The following YBEY variants were observed in gnomAD, a reference collection of about 807,000 sequenced individuals.
The protein encoded by YBEY is ybeY metalloendoribonuclease, also known as endoribonuclease YbeY.
YBEY carries 15 observed loss-of-function variants against 13.5 expected under a neutral mutation model. The observed-to-expected ratio is 1.11, with a 90% confidence interval of 0.75 to 1.72. The LOEUF (loss-of-function observed/expected upper bound fraction) is 1.72. Among genes scored for constraint, YBEY ranks in the 40% most tolerant of loss-of-function variants. YBEY has a pLI of 0.00. For synonymous variants in YBEY, 101 were observed against 83.1 expected (o/e 1.21, Z -1.17); for missense variants, 244 against 208.4 (o/e 1.17, Z -1.05).
At chr21:46,286,790 C>A in intron 1 of YBEY, 80 bp from the exon 2 acceptor site, 1 of 799,660 alleles carries the variant, frequency 1.3e-6, no homozygotes, top group Non-Finnish European at 2.0e-6. Context: ...ATAAAGTGAT[C>A]TGATTGCGCG....
intron 3 of YBEY, among the ~76,000 whole-genome samples, chr21:46,292,989 G>A (rs1190172304): frequency 6.8e-5 from 2 of 29,356 alleles, no homozygotes; most frequent in African/African-American, 3.1e-4. Flanking sequence ...GGACTCAGTG[G>A]GGACAGCCAC....
the YBEY span, among the ~76,000 whole-genome samples, chr21:46,303,730 TA>T: frequency 1.0e-3 from 29 of 28,734 alleles, no homozygotes; most frequent in Non-Finnish European, 1.6e-3. Flanking sequence ...TATATATATA[TA>T]TATATATATA....
At chr21:46,291,863 T>C in intron 3 of YBEY, 1 of 1,042,436 alleles carries the variant, frequency 9.6e-7, no homozygotes, top group East Asian at 9.8e-5. Flanking sequence ...TCCTGCCCAC[T>C]GCACAGACAA....
Position 46,287,082 on chromosome 21 carries a change from A to G in YBEY, c.169A>G (p.Arg57Gly), listed in dbSNP as rs1484081139. Reference sequence around the variant, plus strand: ...GCACATTAATAGAATCTACAGAGATAGAAATGTCCCAACCGATGTGCTTTC... The same window carrying G: ...GCACATTAATAGAATCTACAGAGATGGAAATGTCCCAACCGATGTGCTTTC... The part of the protein sequence containing the change: ...IQHINRIYRD[R>G]NVPTDVLSFP... Residue 57 changes from arginine (R) to glycine (G), a missense_variant, in exon 2 of 5, where the codon AGA (arginine) becomes GGA (glycine). Arg to Gly is a moderately radical substitution (Grantham distance 125, BLOSUM62 -2). Coordinates refer to ENST00000397701, the MANE Select transcript of YBEY (RefSeq NM_001314025.2). 3.7e-6 allele frequency: 6 copies of G among 1,613,566 alleles called. No individual in the cohort carries two copies. The highest frequency in any genetic ancestry group is 5.1e-6 in the Non-Finnish European group (6 of 1,179,876).
the YBEY span, chr21:46,311,690 TCCAA>T: frequency 3.2e-4 from 154 of 475,400 alleles, no homozygotes; most frequent in South Asian, 1.7e-3. Context: ...CACCCATCCA[TCCAA>T]CCAACCAACC....
At chr21:46,294,469 G>A (rs1201783111) in intron 3 of YBEY, among the ~76,000 whole-genome samples, 1 of 70,172 alleles carries the variant, frequency 1.4e-5, no homozygotes, top group Non-Finnish European at 2.9e-5. Flanking sequence ...GGACTCAGTG[G>A]GGACAGCCAC....
At position 46,291,417 on chromosome 21, in the gene YBEY, C is replaced by G. The variant is rs1419186566; in HGVS notation, c.294C>G (p.Ile98Met). The change falls in exon 3 of 5, where the codon ATC becomes ATG. Residue 98 changes from isoleucine to methionine, a missense_variant. Transcript: ENST00000397701. ...LGDIFLGVEY[I>M]FHQCKENEDY... Reference sequence around the variant, plus strand: ...ACATTTTCCTAGGAGTGGAGTATATCTTCCATCAGTGTAAAGAAAATGAAG... The same window carrying G: ...ACATTTTCCTAGGAGTGGAGTATATGTTCCATCAGTGTAAAGAAAATGAAG... 19 of 1,613,998 alleles carry G rather than the reference C, an allele frequency of 1.2e-5. No individual in the cohort carries two copies. The highest frequency in any genetic ancestry group is 1.7e-5 in the Admixed American group (1 of 59,996).
downstream of YBEY, chr21:46,302,462 G>T (rs1601623910): frequency 6.4e-7 from 1 of 1,567,588 alleles, no homozygotes; most frequent in South Asian, 1.1e-5. Flanking sequence ...TTGGCCTAGG[G>T]TTCTGCTGGG....
intron 3 of YBEY, 123 bp downstream of exon 3, chr21:46,291,585 A>C: frequency 6.6e-7 from 1 of 1,504,188 alleles, no homozygotes. Flanking sequence ...TGGGGGAAGA[A>C]CCTGTAAGCA....
At chr21:46,297,293 T>TCC (rs1442151855) in intron 4 of YBEY, among the ~76,000 whole-genome samples, 4 of 86,082 alleles carry the variant, frequency 4.6e-5, no homozygotes, top group Non-Finnish European at 7.2e-5. Context: ...ATGCCCCCCT[T>TCC]TCTTCCTCCC....
downstream of YBEY, among the ~76,000 whole-genome samples, chr21:46,299,051 T>C (rs865786393): frequency 6.7e-6 from 1 of 148,520 alleles, no homozygotes; most frequent in Non-Finnish European, 1.5e-5. Flanking sequence ...TTCTTTCTTT[T>C]TTTTTTTTTT....
downstream of YBEY, chr21:46,301,113 A>G (rs1409067497): frequency 1.1e-5 from 11 of 1,004,174 alleles, no homozygotes; most frequent in Non-Finnish European, 1.3e-5. Flanking sequence ...CTCAAAAGGG[A>G]TCACGTCATA....
intron 3 of YBEY, among the ~76,000 whole-genome samples, chr21:46,295,273 C>T (rs1164242800): frequency 6.6e-6 from 1 of 152,052 alleles, no homozygotes; most frequent in Non-Finnish European, 1.5e-5. Context: ...CAGGCCAGCT[C>T]TGCTCAGGGC....
At chr21:46,291,796 G>C in intron 3 of YBEY, 1 of 1,085,934 alleles carries the variant, frequency 9.2e-7, no homozygotes, top group Non-Finnish European at 1.1e-6. Context: ...ACAGAAGTTG[G>C]AGCCTCCACC....
At chr21:46,301,695 C>T (rs2082112930), downstream of YBEY, 1 of 1,161,552 alleles carries the variant, frequency 8.6e-7, no homozygotes, top group Non-Finnish European at 1.1e-6. Context: ...CTGAGGCTCC[C>T]AGGTGGGCCG....
intron 2 of YBEY, among the ~76,000 whole-genome samples, chr21:46,287,546 C>T (rs1416596227): frequency 2.0e-5 from 3 of 152,010 alleles, no homozygotes; most frequent in Non-Finnish European, 4.4e-5. Flanking sequence ...TCCATGGTGC[C>T]TATAAGTATA....
chr21:46,287,021 C>T lies in YBEY; in HGVS notation c.108C>T (p.Asp36=). 1 of 1,613,928 alleles carries T rather than the reference C, an allele frequency of 6.2e-7. No individual in the cohort carries two copies. The highest frequency in any genetic ancestry group is 8.5e-7 in the Non-Finnish European group (1 of 1,180,006). The part of the protein sequence containing the change: ...VRRILGVQKF[D]LGIICVDNKN... ...GGATTTTAGGAGTGCAGAAATTTGA[C>T]CTGGGGATCATCTGTGTTGACAACA... The change falls in exon 2 of 5, where the codon GAC becomes GAT. Residue 36 remains aspartate (D), a synonymous_variant. Coordinates refer to ENST00000397701, the MANE Select transcript of YBEY (RefSeq NM_001314025.2).
chr21:46,287,135 A>AAAAAAAGTT lies in YBEY; in HGVS notation c.210+12_210+13insAAAAAAGTT, dbSNP rs1555917378. 11 of 1,583,070 alleles carry AAAAAAAGTT rather than the reference A, an allele frequency of 6.9e-6. No individual in the cohort carries two copies. The highest frequency in any genetic ancestry group is 2.3e-5 in the South Asian group (2 of 87,378). On this transcript the variant is annotated intron_variant, in intron 2 of 4. Coordinates refer to ENST00000397701, the MANE Select transcript of YBEY (RefSeq NM_001314025.2). ...TTCCATTTCATGAGGTAAAAAAAAA[A>AAAAAAAGTT]TGTTCCTCTTCTTGTCTAGCCCATC... is the stretch of plus-strand genomic sequence containing the variant.
chr21:46,312,856 C>T, the YBEY span: 1 of 346,672 alleles, frequency 2.9e-6, no homozygotes, highest in Non-Finnish European at 4.1e-6. Context: ...GCCCCCATAA[C>T]AACTTGGTTA....
Sources: allele counts gnomAD v4.1 joint callset (sites outside exome capture counted in the v4.1 genomes callset), GRCh38; gene constraint gnomAD v4.1.1; transcripts MANE v1.5; gene names NCBI Gene and HGNC (gene_info 2026-07-23, HGNC 2026-07-21).